The following GLIS3 variants were observed in gnomAD, a reference collection of about 807,000 sequenced individuals.
GLIS3 encodes zinc finger protein GLIS3.
GLIS3 carries 53 observed loss-of-function variants against 78.6 expected under a neutral mutation model. The ratio of observed to expected loss-of-function variants is 0.67; its 90% CI spans 0.54 to 0.85. The LOEUF (loss-of-function observed/expected upper bound fraction) is 0.85. GLIS3 is among the 40% of genes least tolerant of loss of function. GLIS3 has a pLI of 0.00. For synonymous variants in GLIS3, 684 were observed against 509.9 expected, an observed-to-expected ratio of 1.34 and a Z score of -4.60; for missense variants, 1,703 against 1,231.1, an observed-to-expected ratio of 1.38 and a Z score of -5.74.
At chr9:4,359,609 G>A in the GLIS3 span, among the ~76,000 whole-genome samples, 4 of 152,266 alleles carry the variant, frequency 2.6e-5, no homozygotes, top group East Asian at 7.7e-4. Flanking sequence ...GAAAGAACTT[G>A]GGAGTATACA....
chr9:4,337,127 G>A (rs1587392808), intron 2 of GLIS3, among the ~76,000 whole-genome samples: 1 of 152,254 alleles, frequency 6.6e-6, no homozygotes, highest in East Asian at 1.9e-4. Flanking sequence ...AAACAAATTG[G>A]TACAACTTTT....
At chr9:4,158,332 A>G (rs1835196578) in intron 2 of GLIS3, among the ~76,000 whole-genome samples, 1 of 152,186 alleles carries the variant, frequency 6.6e-6, no homozygotes, top group Non-Finnish European at 1.5e-5. Flanking sequence ...ACATGTGTCC[A>G]AAGAGGGCAG....
intron 2 of GLIS3, among the ~76,000 whole-genome samples, chr9:4,275,432 G>A (rs1410956802): frequency 1.3e-5 from 2 of 152,044 alleles, no homozygotes; most frequent in Admixed American, 6.6e-5. Flanking sequence ...AAGACCGTGG[G>A]GTCCTATTCA....
At position 3,879,317 on chromosome 9, in the gene GLIS3, C is replaced by T. The variant is rs372535589; in HGVS notation, c.2297+110G>A. 31 of 1,061,760 alleles carry T rather than the reference C, an allele frequency of 2.9e-5. No individual in the cohort carries two copies. The East Asian group carries it at 7.4e-4, about 25-fold the overall frequency. 65.8% of individuals were successfully genotyped at this position (1,061,760 alleles called of 1,614,324 possible). ...CTTTTAAAATGTCACCTTTGGGTAACTCAACCCACCAACGGATTATTAATA... is the reference window on the plus strand; with the variant it reads ...CTTTTAAAATGTCACCTTTGGGTAATTCAACCCACCAACGGATTATTAATA... On this transcript the variant is annotated intron_variant, in intron 8 of 10. Transcript: ENST00000381971.
chr9:4,060,363 G>GT (rs1387721536), intron 4 of GLIS3, among the ~76,000 whole-genome samples: 2 of 152,114 alleles, frequency 1.3e-5, no homozygotes, highest in Non-Finnish European at 2.9e-5. Context: ...GTCACCTTCA[G>GT]TGGTCATCCC....
chr9:4,063,897 T>A (rs1826861268), intron 4 of GLIS3, among the ~76,000 whole-genome samples: 1 of 152,154 alleles, frequency 6.6e-6, no homozygotes, highest in Admixed American at 6.5e-5. Flanking sequence ...TATTCAATAA[T>A]ACACCTACTG....
chr9:4,355,514 A>C, the GLIS3 span, among the ~76,000 whole-genome samples: 2 of 152,192 alleles, frequency 1.3e-5, no homozygotes, highest in Non-Finnish European at 2.9e-5. Context: ...GCTCAAAATC[A>C]GGTAAAGAAT....
At chr9:4,101,462 T>A (rs149956829) in intron 4 of GLIS3, among the ~76,000 whole-genome samples, 1 of 152,340 alleles carries the variant, frequency 6.6e-6, no homozygotes, top group African/African-American at 2.4e-5. Context: ...CATATAAAGC[T>A]GTTATCATTT....
At chr9:4,294,889 TAAGTG>T (rs1378652577) in intron 1 of GLIS3, among the ~76,000 whole-genome samples, 1 of 152,194 alleles carries the variant, frequency 6.6e-6, no homozygotes, top group African/African-American at 2.4e-5. Context: ...AAACATGGTG[TAAGTG>T]AAATATACAA....
chr9:4,024,958 C>G (rs1377176292), intron 4 of GLIS3, among the ~76,000 whole-genome samples: 1 of 152,138 alleles, frequency 6.6e-6, no homozygotes, highest in Non-Finnish European at 1.5e-5. Flanking sequence ...AGTAATAGAA[C>G]ATACTCAAGG....
chr9:3,829,440 CT>C lies in GLIS3; in HGVS notation c.2525del (p.Gln842ArgfsTer20). ...AGGAGCTGACAGGCGGCACAATTCT[CT>C]GGGAATCGGGGTAGTGTGGGGGACA... ...KFCPPHYPDS[Q>X]RIVPPVSSCS... On this transcript the variant is annotated frameshift_variant, in exon 10 of 11. Coordinates refer to ENST00000381971, the MANE Select transcript of GLIS3 (RefSeq NM_001042413.2). LOFTEE classifies it high-confidence loss of function. 6.2e-7 allele frequency: 1 copy of C among 1,614,166 alleles called. No individual in the cohort carries two copies. Among genetic ancestry groups the C allele is most frequent in the Non-Finnish European group, 8.5e-7 (1 of 1,180,016 alleles).
intron 2 of GLIS3, among the ~76,000 whole-genome samples, chr9:4,241,868 G>C (rs1435027184): frequency 6.6e-6 from 1 of 152,052 alleles, no homozygotes; most frequent in South Asian, 2.1e-4. Context: ...TTTTTATGTA[G>C]AGACGGGGTT....
At chr9:4,018,877 G>A (rs189320637) in intron 4 of GLIS3, among the ~76,000 whole-genome samples, 79 of 152,310 alleles carry the variant, frequency 5.2e-4, no homozygotes, top group Non-Finnish European at 7.3e-4. Context: ...CTGTGTTCTC[G>A]CTTAGAAAAG....
the GLIS3 span, among the ~76,000 whole-genome samples, chr9:4,403,755 T>C: frequency 1.3e-5 from 2 of 151,868 alleles, no homozygotes; most frequent in East Asian, 1.9e-4. Flanking sequence ...AATTAAACCA[T>C]ACCACCAGAG....
At chr9:4,392,052 C>T in the GLIS3 span, among the ~76,000 whole-genome samples, 2 of 152,126 alleles carry the variant, frequency 1.3e-5, no homozygotes, top group African/African-American at 2.4e-5. Flanking sequence ...CATTATACAC[C>T]ATGGAATACT....
At chr9:4,059,021 CA>C (rs1330739037) in intron 4 of GLIS3, among the ~76,000 whole-genome samples, 1 of 151,920 alleles carries the variant, frequency 6.6e-6, no homozygotes, top group African/African-American at 2.4e-5. Context: ...AAAGGCCTCA[CA>C]CCTTCTGCTG....
intron 4 of GLIS3, among the ~76,000 whole-genome samples, chr9:4,024,686 G>C (rs1394618113): frequency 2.0e-5 from 3 of 152,164 alleles, no homozygotes; most frequent in Non-Finnish European, 4.4e-5. Context: ...CGATTCACAG[G>C]GCAAAGACAG....
intron 2 of GLIS3, among the ~76,000 whole-genome samples, chr9:4,330,725 G>A (rs1304879425): frequency 3.2e-5 from 4 of 126,676 alleles, no homozygotes; most frequent in Middle Eastern, 7.7e-3. Flanking sequence ...AGATTAAGTC[G>A]GAGGCAATAC....
At chr9:4,017,702 G>C (rs980773511) in intron 4 of GLIS3, among the ~76,000 whole-genome samples, 1 of 152,146 alleles carries the variant, frequency 6.6e-6, no homozygotes, top group African/African-American at 2.4e-5. Context: ...GCATAGCCTG[G>C]TATCAGAGTG....
Sources: gnomAD v4.1 joint callset for allele counts (sites outside exome capture counted in the v4.1 genomes callset) on GRCh38, gnomAD v4.1.1 for gene constraint, MANE v1.5 for transcripts, NCBI Gene and HGNC (gene_info 2026-07-23, HGNC 2026-07-21) for gene names.